Variants in LATS1 observed in about 807,000 individuals in gnomAD.
LATS1 encodes the protein serine/threonine-protein kinase LATS1.
Under a neutral mutation model 106.6 loss-of-function variants are expected in LATS1, and 25 were observed. That is an observed-to-expected ratio of 0.23 (90% CI 0.17 to 0.33). The LOEUF (loss-of-function observed/expected upper bound fraction) is 0.33. Among genes scored for constraint, LATS1 ranks in the 10% least tolerant of loss-of-function variants. LATS1 has a pLI of 1.00. For missense variants in LATS1, 1,040 were observed against 1,382.6 expected (o/e 0.75, Z 3.93); for synonymous variants, 465 against 455.6 (o/e 1.02, Z -0.26).
At chr6:149,666,910 C>G (rs1248589951) in intron 7 of LATS1, among the ~76,000 whole-genome samples, 1 of 148,310 alleles carries the variant, frequency 6.7e-6, no homozygotes, top group African/African-American at 2.5e-5. Context: ...AGCCACTGCA[C>G]TCCAGCCTGG....
rs75913218 is a variant in LATS1, at chr6:149,688,603, C to T, written c.497-4011G>A. 6.3e-3 allele frequency among the ~76,000 whole-genome samples: 966 copies of T among 152,140 alleles called. 13 individuals carry two copies. The highest frequency in any genetic ancestry group is 0.022 in the African/African-American group (915 of 41,494). On this transcript the variant is annotated intron_variant, in intron 3 of 7. Transcript: ENST00000543571. ...GATTACAGGCGTGAGCCACTGCACC[C>T]GGGCCGTTCATTAAATATTTATTGT... is the stretch of plus-strand genomic sequence containing the variant.
In LATS1 at chr6:149,695,134, G is replaced by T. The variant is rs772855635; in HGVS notation, c.436C>A (p.Pro146Thr). 1 of 1,613,234 alleles carries T rather than the reference G, an allele frequency of 6.2e-7. No individual in the cohort carries two copies. Residue 146 changes from proline to threonine, a missense_variant, in exon 3 of 8, where the codon CCT becomes ACT. Coordinates refer to ENST00000543571, the MANE Select transcript of LATS1 (RefSeq NM_004690.4). ...GCTGCAGCCATCTGCTCTCGTCGAG[G>T]ATCTTGGTAACTCATTTTACTAATG... ...EFISKMSYQD[P>T]RREQMAAAAA...
Position 149,670,811 on chromosome 6 carries a change from T to G in LATS1, c.2883+5449A>C, listed in dbSNP as rs549764210. On this transcript the variant is annotated intron_variant, in intron 7 of 7. Transcript: ENST00000543571. ...ACTGTTGAGTTTTGAGGGTTCTTTA[T>G]ATATTATAGTTTTAAAAAACCTTTC... Among the ~76,000 whole-genome samples the G allele has an allele frequency of 3.3e-4, 50 of 152,144 alleles. 2 individuals carry two copies. Among genetic ancestry groups the G allele is most frequent in the African/African-American group, 1.2e-3 (49 of 41,394 alleles).
chr6:149,665,109 C>G (rs941944643), intron 7 of LATS1, among the ~76,000 whole-genome samples: 2 of 152,188 alleles, frequency 1.3e-5, no homozygotes, highest in African/African-American at 4.8e-5. Flanking sequence ...CGCCTGTAAT[C>G]CCAGCACTTT....
At chr6:149,689,418 C>CAAAGAAAA (rs1782593297) in intron 3 of LATS1, among the ~76,000 whole-genome samples, 1 of 132,360 alleles carries the variant, frequency 7.6e-6, no homozygotes, top group African/African-American at 2.8e-5. Flanking sequence ...ATGCCTGTCT[C>CAAAGAAAA]AAAAAAAAAA....
chr6:149,699,763 A>T (rs1000693065), intron 2 of LATS1, among the ~76,000 whole-genome samples: 1 of 152,218 alleles, frequency 6.6e-6, no homozygotes, highest in African/African-American at 2.4e-5. Context: ...ATTACCTTAA[A>T]GGTATAGGCC....
At chr6:149,678,190 A>AAAAAAAAAAG (rs1781836106) in intron 5 of LATS1, among the ~76,000 whole-genome samples, 1 of 148,280 alleles carries the variant, frequency 6.7e-6, no homozygotes, top group Non-Finnish European at 1.5e-5. Context: ...AAAAAAAAAA[A>AAAAAAAAAAG]AAAAATAGCC....
chr6:149,684,478 C>G lies in LATS1; in HGVS notation c.611G>C (p.Ser204Thr), dbSNP rs781107819. Residue 204 changes from serine (S) to threonine (T), a missense_variant, in exon 4 of 8, where the codon AGT becomes ACT. Physicochemically the swap from Ser to Thr is moderately conservative, Grantham distance 58. Transcript: ENST00000543571. ...TCCTACATCTGTCTGTGAGTTGGGACTCTCAGAATGATAGGCCACACTTTC... is the reference window on the plus strand; with the variant it reads ...TCCTACATCTGTCTGTGAGTTGGGAGTCTCAGAATGATAGGCCACACTTTC... The part of the protein sequence containing the change: ...LGESVAYHSE[S>T]PNSQTDVGRP... 1 of 1,614,130 alleles carries G rather than the reference C, an allele frequency of 6.2e-7. No homozygotes were observed. The highest frequency in any genetic ancestry group is 8.5e-7 in the Non-Finnish European group (1 of 1,180,000).
At chr6:149,701,274 A>G (rs1404320159) in intron 2 of LATS1, among the ~76,000 whole-genome samples, 2 of 152,256 alleles carry the variant, frequency 1.3e-5, no homozygotes, top group South Asian at 2.1e-4. Context: ...GAGAAATATT[A>G]AAGACTTGGC....
At chr6:149,671,080 A>C (rs1003773812) in intron 7 of LATS1, among the ~76,000 whole-genome samples, 3 of 151,810 alleles carry the variant, frequency 2.0e-5, no homozygotes, top group Non-Finnish European at 1.5e-5. Flanking sequence ...AGTTTGAGTT[A>C]ATCTTTGTAA....
In LATS1 at chr6:149,661,546, T is replaced by C; in HGVS notation, c.*183A>G. ...TAACAATTTTTTTCTAAATACTGATTTAAACGGCTGGAATAAATTAACATT... is the reference window on the plus strand; with the variant it reads ...TAACAATTTTTTTCTAAATACTGATCTAAACGGCTGGAATAAATTAACATT... On this transcript the variant is annotated 3_prime_UTR_variant, in exon 8 of 8. Coordinates refer to ENST00000543571, the MANE Select transcript of LATS1 (RefSeq NM_004690.4). The C allele has an allele frequency of 2.0e-6, 1 of 501,068 alleles. No individual in the cohort carries two copies. Among genetic ancestry groups the C allele is most frequent in the Non-Finnish European group, 3.3e-6 (1 of 298,936 alleles). The allele number at this position is 501,068 out of a possible 1,614,324, so 31.0% of individuals were successfully genotyped here.
In LATS1 at chr6:149,702,972, C is replaced by CT. The variant is rs1438889104; in HGVS notation, c.-140-707dup. Among the ~76,000 whole-genome samples the CT allele has an allele frequency of 3.2e-3, 460 of 143,908 alleles. 2 individuals carry two copies. The highest frequency in any genetic ancestry group is 8.1e-3 in the African/African-American group (320 of 39,518). 94.4% of individuals were successfully genotyped at this position (143,908 alleles called of 152,430 possible). On this transcript the variant is annotated intron_variant, in intron 1 of 7. Transcript: ENST00000543571. ...ACAGGTGTGAGCCACCGTGCCCAGC[C>CT]TTTTTTTTTTTGAGACAGAATCTTG...
In LATS1 at chr6:149,661,763, G is replaced by A; in HGVS notation, c.3359C>T (p.Ser1120Leu). Residue 1120 changes from serine to leucine, a missense_variant, in exon 8 of 8, where the codon TCA (serine) becomes TTA (leucine). Physicochemically the swap from Ser to Leu is moderately radical, Grantham distance 145. Transcript: ENST00000543571. ...QSDEDDQNTG[S>L]EIKNRDLVYV Reference sequence around the variant, plus strand: ...TACTAGATCGCGATTTTTAATCTCTGAGCCTGTGTTTTGATCATCTTCATC... The same window carrying A: ...TACTAGATCGCGATTTTTAATCTCTAAGCCTGTGTTTTGATCATCTTCATC... The A allele has an allele frequency of 6.3e-7, 1 of 1,583,270 alleles. No homozygotes were observed.
At chr6:149,666,699 T>C (rs1166557797) in intron 7 of LATS1, among the ~76,000 whole-genome samples, 4 of 151,106 alleles carry the variant, frequency 2.6e-5, no homozygotes, top group Admixed American at 6.6e-5. Flanking sequence ...TCCCAGCACT[T>C]TGGGAGGCCG....
intron 7 of LATS1, among the ~76,000 whole-genome samples, chr6:149,672,401 G>C (rs1331705308): frequency 1.3e-5 from 2 of 150,302 alleles, no homozygotes; most frequent in Non-Finnish European, 3.0e-5. Flanking sequence ...GTAGAGACAG[G>C]GTTTCACAAT....
rs528277206 is a variant in LATS1 at position 149,685,907 on chromosome 6, T to C, written c.497-1315A>G. Among the ~76,000 whole-genome samples the C allele has an allele frequency of 6.1e-4, 92 of 151,938 alleles. 1 individual carries two copies. Among genetic ancestry groups the C allele is most frequent in the Admixed American group, 5.4e-3 (83 of 15,262 alleles). On this transcript the variant is annotated intron_variant, in intron 3 of 7. Transcript: ENST00000543571. ...TACACTGGTATAAAGACAATACATATATACATTCTAGAAAGACTAAAGGTT... is the reference window on the plus strand; with the variant it reads ...TACACTGGTATAAAGACAATACATACATACATTCTAGAAAGACTAAAGGTT...
rs1262887658 is a variant in LATS1, at chr6:149,718,000, C to G, written c.-292G>C. On this transcript the variant is annotated 5_prime_UTR_variant, in exon 1 of 8. Transcript: ENST00000543571. ...GCTGCCGCGGGCCAGCGCGGCCCGT[C>G]CCAGGGGTCGTGAGGACCTGGCTCT... 5.5e-6 allele frequency: 2 copies of G among 364,294 alleles called. No individual in the cohort carries two copies. Among genetic ancestry groups the G allele is most frequent in the Non-Finnish European group, 1.1e-5 (2 of 189,986 alleles). 22.6% of individuals were successfully genotyped at this position (364,294 alleles called of 1,614,324 possible).
intron 2 of LATS1, among the ~76,000 whole-genome samples, chr6:149,698,212 T>C (rs1400564401): frequency 6.6e-6 from 1 of 151,544 alleles, no homozygotes; most frequent in African/African-American, 2.4e-5. Context: ...AAAAGAACGC[T>C]CAAATCAGTA....
intron 7 of LATS1, among the ~76,000 whole-genome samples, chr6:149,668,580 C>T (rs1442541522): frequency 1.3e-5 from 2 of 150,418 alleles, no homozygotes; most frequent in African/African-American, 4.9e-5. Context: ...GGACCACAGG[C>T]ATGTGCCACC....
Sources: gnomAD v4.1 joint callset for allele counts (sites outside exome capture counted in the v4.1 genomes callset) on GRCh38, gnomAD v4.1.1 for gene constraint, MANE v1.5 for transcripts, NCBI Gene and HGNC (gene_info 2026-07-23, HGNC 2026-07-21) for gene names.